The following BACH2 variants were observed in gnomAD, a reference collection of about 807,000 sequenced individuals.
The protein encoded by BACH2 is transcription regulator protein BACH2.
BACH2 carries 5 observed loss-of-function variants against 61.8 expected under a neutral mutation model. The observed-to-expected ratio is 0.08, with a 90% CI of 0.04 to 0.17. BACH2 has a LOEUF of 0.17. Among genes scored for constraint, BACH2 ranks in the 10% least tolerant of loss-of-function variants. The pLI is 1.00. For synonymous variants in BACH2, 446 were observed against 440.1 expected, an observed-to-expected ratio of 1.01 and a Z score of -0.17; for missense variants, 824 against 1,091.1, an observed-to-expected ratio of 0.76 and a Z score of 3.45.
intron 7 of BACH2, among the ~76,000 whole-genome samples, chr6:89,941,658 C>T (rs544149844): frequency 2.0e-4 from 30 of 152,274 alleles, no homozygotes; most frequent in African/African-American, 5.8e-4. Flanking sequence ...ACGGTGTCTC[C>T]GGAACACAGA....
Position 89,951,284 on chromosome 6 carries a change from C to G in BACH2, c.822G>C (p.Gln274His). 1 of 1,614,236 alleles carries G rather than the reference C, an allele frequency of 6.2e-7. No individual in the cohort carries two copies. The highest frequency in any genetic ancestry group is 8.5e-7 in the Non-Finnish European group (1 of 1,180,048). The change falls in exon 7 of 9, where the codon CAG (glutamine) becomes CAC (histidine). Residue 274 changes from glutamine to histidine, a missense_variant. Transcript: ENST00000257749. The surrounding 1 kb of genome is among the most constrained non-coding windows in gnomAD (Gnocchi z 6.4). ...NSLKPGLARG[Q>H]IKSEPPSEEN... ...CTTCACTGGGCGGCTCACTTTTAATCTGCCCCCTGGCAAGCCCCGGCTTGA... is the reference window on the plus strand; with the variant it reads ...CTTCACTGGGCGGCTCACTTTTAATGTGCCCCCTGGCAAGCCCCGGCTTGA...
intron 4 of BACH2, among the ~76,000 whole-genome samples, chr6:90,136,366 T>C (rs1784271842): frequency 6.6e-6 from 1 of 152,248 alleles, no homozygotes; most frequent in Non-Finnish European, 1.5e-5. Context: ...TTCAAATCCT[T>C]GCCAACTGCA....
At chr6:89,998,936 T>C (rs768073586) in intron 6 of BACH2, among the ~76,000 whole-genome samples, 2 of 152,202 alleles carry the variant, frequency 1.3e-5, no homozygotes, top group Admixed American at 6.5e-5. Flanking sequence ...TTCCAAATTT[T>C]TGAATGGAAT....
At chr6:89,999,070 T>C (rs1224770913) in intron 6 of BACH2, among the ~76,000 whole-genome samples, 1 of 152,250 alleles carries the variant, frequency 6.6e-6, no homozygotes, top group Non-Finnish European at 1.5e-5. Flanking sequence ...AGTATTTTGG[T>C]GTGGAAACTG....
At chr6:89,969,453 C>T (rs1775237579) in intron 6 of BACH2, among the ~76,000 whole-genome samples, 1 of 152,114 alleles carries the variant, frequency 6.6e-6, no homozygotes, top group Non-Finnish European at 1.5e-5. Flanking sequence ...ATTGTTGAGA[C>T]TCCTGGTGCA....
At chr6:89,999,448 CTT>C (rs59177752) in intron 6 of BACH2, among the ~76,000 whole-genome samples, 4 of 141,756 alleles carry the variant, frequency 2.8e-5, no homozygotes, top group Admixed American at 7.0e-5. Context: ...TTTGTCACAC[CTT>C]TTTTTTTTTT....
chr6:90,254,650 A>T (rs558919654), intron 2 of BACH2, among the ~76,000 whole-genome samples: 3 of 152,222 alleles, frequency 2.0e-5, no homozygotes, highest in South Asian at 2.1e-4. Context: ...TTTATATTTA[A>T]GAGACATTTC....
intron 4 of BACH2, among the ~76,000 whole-genome samples, chr6:90,092,115 T>C (rs1185352159): frequency 6.6e-6 from 1 of 151,742 alleles, no homozygotes; most frequent in Non-Finnish European, 1.5e-5. Flanking sequence ...CCACCATTAA[T>C]AACGCAAACG....
intron 4 of BACH2, among the ~76,000 whole-genome samples, chr6:90,145,095 A>G (rs1343288991): frequency 6.6e-6 from 1 of 152,174 alleles, no homozygotes; most frequent in Non-Finnish European, 1.5e-5. Context: ...TTGCAGATGC[A>G]GTTTCAGGGT....
intron 4 of BACH2, among the ~76,000 whole-genome samples, chr6:90,160,461 C>T (rs1246274520): frequency 1.3e-5 from 2 of 152,162 alleles, no homozygotes; most frequent in Admixed American, 6.5e-5. Context: ...ACAGTTATCA[C>T]TATGGACTGT....
intron 4 of BACH2, among the ~76,000 whole-genome samples, chr6:90,144,994 C>T (rs1784571291): frequency 6.6e-6 from 1 of 152,140 alleles, no homozygotes. Context: ...GGATATAGTT[C>T]CCAGAGATCG....
intron 4 of BACH2, among the ~76,000 whole-genome samples, chr6:90,100,702 G>GACACACACACAC (rs372719418): frequency 3.1e-5 from 2 of 64,252 alleles, no homozygotes; most frequent in Non-Finnish European, 6.7e-5. Flanking sequence ...CACACACACA[G>GACACACACACAC]ACACACACAC....
rs187674554 is a variant in BACH2, at chr6:90,167,091, G to A, written c.-162+39478C>T. ...AATAAATTTATGTGCTGTGGACCATGGAACAGGAAGGAGTCTGTTTGACCC... is the reference window on the plus strand; with the variant it reads ...AATAAATTTATGTGCTGTGGACCATAGAACAGGAAGGAGTCTGTTTGACCC... On this transcript the variant is annotated intron_variant, in intron 4 of 8. Transcript: ENST00000257749. 9.8e-4 allele frequency among the ~76,000 whole-genome samples: 149 copies of A among 152,198 alleles called. 1 individual carries two copies. Among genetic ancestry groups the A allele is most frequent in the Middle Eastern group, 3.4e-3 (1 of 294 alleles).
chr6:90,187,700 G>C (rs1349835490), intron 4 of BACH2, among the ~76,000 whole-genome samples: 1 of 152,246 alleles, frequency 6.6e-6, no homozygotes, highest in Non-Finnish European at 1.5e-5. Context: ...TTTCCCAGAA[G>C]AGCAGAGGAT....
intron 1 of BACH2, among the ~76,000 whole-genome samples, chr6:90,280,822 AG>A (rs1771838042): frequency 6.6e-6 from 1 of 152,164 alleles, no homozygotes; most frequent in African/African-American, 2.4e-5. Context: ...CCTGCCTCCA[AG>A]GGTAGACATT....
chr6:89,997,034 C>T (rs960627712), intron 6 of BACH2, among the ~76,000 whole-genome samples: 1 of 149,990 alleles, frequency 6.7e-6, no homozygotes, highest in African/African-American at 2.5e-5. Context: ...CACACACATG[C>T]ATGCTCCTCT....
In BACH2 at chr6:89,950,681, G is replaced by T. The variant is rs1226848014; in HGVS notation, c.1425C>A (p.Pro475=). 6.8e-6 allele frequency: 11 copies of T among 1,614,040 alleles called. No individual in the cohort carries two copies. In the Admixed American group the frequency reaches 1.5e-4, roughly 22 times the overall value. ...GLWVGAGQSL[P]SSQAYSHGGL... The stretch of plus-strand genomic sequence containing the variant: ...CACCGTGGGAGTAGGCCTGCGAGCT[G>T]GGGAGGGACTGGCCGGCTCCCACCC... The change falls in exon 7 of 9, where the codon CCC becomes CCA. Residue 475 remains proline (P), a synonymous_variant. Coordinates refer to ENST00000257749, the MANE Select transcript of BACH2 (RefSeq NM_021813.4). This position sits in a 1 kb window ranked among gnomAD's most constrained non-coding sequence, Gnocchi z 5.3.
At chr6:90,231,356 T>C (rs568852048) in intron 3 of BACH2, among the ~76,000 whole-genome samples, 27 of 152,314 alleles carry the variant, frequency 1.8e-4, no homozygotes, top group African/African-American at 6.3e-4. Flanking sequence ...AAATGTGACC[T>C]TGTCTAGGTT....
chr6:90,143,994 C>T (rs1283467873), intron 4 of BACH2, among the ~76,000 whole-genome samples: 1 of 152,170 alleles, frequency 6.6e-6, no homozygotes, highest in Non-Finnish European at 1.5e-5. Context: ...CCTGATCTTA[C>T]CTGTCTTTAT....
Sources: gnomAD v4.1 joint callset for allele counts (sites outside exome capture counted in the v4.1 genomes callset) on GRCh38, gnomAD v4.1.1 for gene constraint, Gnocchi (gnomAD v3.1) non-coding constraint, MANE v1.5 for transcripts, NCBI Gene and HGNC (gene_info 2026-07-23, HGNC 2026-07-21) for gene names.